Variants in MAP4 observed in about 807,000 individuals in gnomAD.
The protein encoded by MAP4 is microtubule associated protein 4.
A neutral mutation model predicts 170.2 loss-of-function variants in MAP4; 76 were observed. The observed-to-expected ratio is 0.45, with a 90% CI of 0.37 to 0.54. The LOEUF is 0.54. Among genes scored for constraint, MAP4 ranks in the 20% least tolerant of loss-of-function variants. The probability of loss-of-function intolerance (pLI) is 0.00; values close to 1 mark genes in which losing one functional copy is unlikely to be tolerated. For synonymous variants in MAP4, 909 were observed against 994.5 expected, an observed-to-expected ratio of 0.91 and a Z score of 1.62; for missense variants, 2,506 against 2,748.0, an observed-to-expected ratio of 0.91 and a Z score of 1.97.
chr3:47,855,320 G>A lies in MAP4; in HGVS notation c.6624C>T (p.Phe2208=). 6.2e-7 allele frequency: 1 copy of A among 1,614,040 alleles called. No individual in the cohort carries two copies. Among genetic ancestry groups the A allele is most frequent in the South Asian group, 1.1e-5 (1 of 91,070 alleles). The change falls in exon 19 of 21, where the codon TTC becomes TTT. Residue 2208 remains phenylalanine (F), a synonymous_variant. Coordinates refer to ENST00000683076, the MANE Select transcript of MAP4 (RefSeq NM_001385682.1). This position sits in a 1 kb window ranked among gnomAD's most constrained non-coding sequence, Gnocchi z 5.1. ...DVKIESQKLN[F]KEKAQAKVGS... is the part of the protein sequence containing the mutation. The stretch of plus-strand genomic sequence containing the variant: ...CCACCTTGGCCTGGGCCTTCTCCTT[G>A]AAGTTCAACTTCTGACTTTCAATCT...
At chr3:47,988,336 G>A (rs2100090173) in intron 2 of MAP4, among the ~76,000 whole-genome samples, 1 of 152,000 alleles carries the variant, frequency 6.6e-6, no homozygotes, top group South Asian at 2.1e-4. Context: ...AACTGATGAT[G>A]CAGGAGACAG....
chr3:48,010,160 C>G lies in MAP4; in HGVS notation c.-20+6174G>C, dbSNP rs1043715950. On this transcript the variant is annotated intron_variant, in intron 1 of 20. Coordinates refer to ENST00000683076, the MANE Select transcript of MAP4 (RefSeq NM_001385682.1). ...AGGACTACAAATGATCCGGACCATT[C>G]AGGAATGAAGGTTTGGATCACTCCA... Among the ~76,000 whole-genome samples the G allele has an allele frequency of 2.0e-5, 3 of 152,152 alleles. No homozygotes were observed. In the South Asian group the frequency reaches 6.2e-4, roughly 32 times the overall value.
intron 2 of MAP4, among the ~76,000 whole-genome samples, chr3:47,987,988 A>T (rs1357112946): frequency 6.6e-6 from 1 of 152,102 alleles, no homozygotes; most frequent in Non-Finnish European, 1.5e-5. Context: ...AGGTCAGGAG[A>T]TTGAGACCAT....
Position 47,910,982 on chromosome 3 carries a change from G to A in MAP4, c.3439C>T (p.Gln1147Ter). Residue 1147 changes from glutamine to a stop codon, truncating the protein, a stop_gained, in exon 9 of 21, where the codon CAG becomes TAG. Transcript: ENST00000683076. LOFTEE classifies it high-confidence loss of function. Reference sequence around the variant, plus strand: ...TGCATGGTGCCTGCCACCTTAGGCTGAGTCATCTCTTTAGGCTCCCCCATC... The same window carrying A: ...TGCATGGTGCCTGCCACCTTAGGCTAAGTCATCTCTTTAGGCTCCCCCATC... ...VVMGEPKEMTQPKVAGTMQAL... is the reference protein window; with the variant it reads ...VVMGEPKEMT 3 of 1,536,138 alleles carry A rather than the reference G, an allele frequency of 2.0e-6. No individual in the cohort carries two copies. The South Asian group carries it at 3.6e-5, about 18-fold the overall frequency.
intron 2 of MAP4, among the ~76,000 whole-genome samples, chr3:47,986,234 A>G (rs1004283182): frequency 2.0e-5 from 3 of 151,988 alleles, no homozygotes; most frequent in Admixed American, 6.6e-5. Context: ...CTTCCTATTA[A>G]GTAGCTCGGG....
chr3:47,871,788 C>A (rs2092877271), intron 13 of MAP4, 129 bp downstream of exon 13: 2 of 816,658 alleles, frequency 2.4e-6, no homozygotes, highest in Non-Finnish European at 3.8e-6. Flanking sequence ...TCCAGGTAGT[C>A]CACTAAGGAC....
At chr3:48,053,343 A>C (rs2100128894) in intron 1 of MAP4, among the ~76,000 whole-genome samples, 1 of 124,978 alleles carries the variant, frequency 8.0e-6, no homozygotes, top group Non-Finnish European at 1.7e-5. Context: ...GTTCCAGCAG[A>C]AAACTAATGC....
Position 47,853,262 on chromosome 3 carries a change from C to T in MAP4, c.6787G>A (p.Ala2263Thr), listed in dbSNP as rs141262798. The T allele has an allele frequency of 1.6e-4, 263 of 1,596,626 alleles. No individual in the cohort carries two copies. Among genetic ancestry groups the T allele is most frequent in the African/African-American group, 1.4e-3 (104 of 74,586 alleles). Residue 2263 changes from alanine (A) to threonine (T), a missense_variant, in exon 20 of 21, where the codon GCC becomes ACC. Around this residue, in one of 3 missense-constraint regions of MAP4, gnomAD observed 487 missense variants for 511.6 expected, o/e 0.95. Transcript: ENST00000683076. ...AISEAAPEAG[A>T]PTSASGLNGH... ...TTGAGGCCACTGGCTGAAGTGGGGG[C>T]GCCAGCTTCAGGCGCTGCCTCAGAG...
At chr3:48,055,215 T>C (rs900845988) in intron 1 of MAP4, among the ~76,000 whole-genome samples, 9 of 149,922 alleles carry the variant, frequency 6.0e-5, no homozygotes, top group African/African-American at 2.2e-4. Flanking sequence ...CGTCTCCGTC[T>C]CCGTCTCCGT....
At chr3:48,056,170 T>G (rs1428074545) in intron 1 of MAP4, among the ~76,000 whole-genome samples, 26 of 92,090 alleles carry the variant, frequency 2.8e-4, no homozygotes, top group South Asian at 9.5e-4. Context: ...AGGTGGGGGG[T>G]CAGCCCCCCC....
intron 1 of MAP4, among the ~76,000 whole-genome samples, chr3:48,059,985 A>C (rs1419045915): frequency 2.6e-5 from 4 of 151,990 alleles, no homozygotes; most frequent in African/African-American, 4.8e-5. Flanking sequence ...AAAAAAAAAA[A>C]AACTTTTGAA....
chr3:48,008,857 G>A (rs1213970503), intron 1 of MAP4, among the ~76,000 whole-genome samples: 1 of 152,166 alleles, frequency 6.6e-6, no homozygotes, highest in Non-Finnish European at 1.5e-5. Flanking sequence ...TACGGCCACT[G>A]CTGAGTGCCT....
chr3:47,928,814 G>A (rs1483554678), intron 3 of MAP4, among the ~76,000 whole-genome samples: 1 of 150,782 alleles, frequency 6.6e-6, no homozygotes, highest in Non-Finnish European at 1.5e-5. Context: ...AACAATTTCA[G>A]GGAGCTGGAA....
intron 1 of MAP4, among the ~76,000 whole-genome samples, chr3:48,047,747 A>T (rs1260875689): frequency 6.6e-6 from 1 of 152,122 alleles, no homozygotes; most frequent in Non-Finnish European, 1.5e-5. Context: ...TCATTTTGTT[A>T]TTTTCTTAGC....
At position 48,074,501 on chromosome 3, in the gene MAP4, TAC is replaced by T. The variant is rs1229772596; in HGVS notation, c.-20+14270_-20+14271del. ...CTACAAAATACATTATATATATATA[TAC>T]ACACACTTTTTTTTTTTTTTTTTTT... On this transcript the variant is annotated intron_variant, in intron 1 of 18. Coordinates refer to the MAP4 transcript ENST00000360240. 1.0e-4 allele frequency among the ~76,000 whole-genome samples: 8 copies of T among 80,248 alleles called. No individual in the cohort carries two copies. The East Asian group carries it at 2.8e-3, about 28-fold the overall frequency. The allele number at this position is 80,248 out of a possible 152,430, so 52.6% of individuals were successfully genotyped here. A position where few individuals can be genotyped will look rare whatever the true frequency, so the allele number is the denominator to read the frequency against.
chr3:48,043,353 G>A (rs760658786), intron 1 of MAP4, among the ~76,000 whole-genome samples: 3 of 152,072 alleles, frequency 2.0e-5, no homozygotes, highest in South Asian at 4.2e-4. Flanking sequence ...TACCTGCCTC[G>A]GCCTTCCAAA....
intron 3 of MAP4, among the ~76,000 whole-genome samples, chr3:47,933,086 G>A (rs2100050784): frequency 6.6e-6 from 1 of 151,718 alleles, no homozygotes; most frequent in Admixed American, 6.6e-5. Context: ...TTTAATTTTT[G>A]TAGAGAAGAA....
At chr3:47,982,738 A>G (rs1269971980) in intron 2 of MAP4, among the ~76,000 whole-genome samples, 1 of 152,206 alleles carries the variant, frequency 6.6e-6, no homozygotes, top group African/African-American at 2.4e-5. Context: ...AAAAAAAGCA[A>G]GTTAAAATTC....
At chr3:47,985,020 C>T (rs1289994333) in intron 2 of MAP4, among the ~76,000 whole-genome samples, 2 of 151,828 alleles carry the variant, frequency 1.3e-5, no homozygotes, top group Non-Finnish European at 2.9e-5. Context: ...TGGCTCATGC[C>T]TGTAATCCCA....
Sources: gnomAD v4.1 joint callset for allele counts (sites outside exome capture counted in the v4.1 genomes callset) on GRCh38, gnomAD v4.1.1 for gene constraint, gnomAD v4.1.1 regional missense constraint, Gnocchi (gnomAD v3.1) non-coding constraint, MANE v1.5 for transcripts, NCBI Gene and HGNC (gene_info 2026-07-23, HGNC 2026-07-21) for gene names.